EBF4: variants seen among roughly 807,000 people sequenced by gnomAD.
The protein encoded by EBF4 is transcription factor COE4.
Under a neutral mutation model 67.1 loss-of-function variants are expected in EBF4, and 34 were observed. That is an observed-to-expected ratio of 0.51 (90% CI 0.39 to 0.67). The LOEUF (loss-of-function observed/expected upper bound fraction) is 0.67, where lower values mean the gene tolerates loss of function less well. EBF4 is among the 30% of genes least tolerant of loss of function. EBF4 has a pLI of 0.00. For synonymous variants in EBF4, 387 were observed against 377.7 expected, an observed-to-expected ratio of 1.02 and a Z score of -0.29; for missense variants, 837 against 873.3, an observed-to-expected ratio of 0.96 and a Z score of 0.52.
chr20:2,750,160 T>C (rs1201178576), intron 10 of EBF4, among the ~76,000 whole-genome samples, 187 bp downstream of exon 10: 1 of 152,076 alleles, frequency 6.6e-6, no homozygotes, highest in Non-Finnish European at 1.5e-5. Flanking sequence ...CGTCTTTCCC[T>C]GGCTCTGTGT....
intron 1 of EBF4, among the ~76,000 whole-genome samples, chr20:2,703,256 T>TAAA (rs58171984): frequency 1.8e-5 from 2 of 114,138 alleles, no homozygotes; most frequent in Non-Finnish European, 1.8e-5. Flanking sequence ...GACCCTGTCT[T>TAAA]AAAAAAAAAA....
exon 8 of EBF4, chr20:2,749,451 C>T (rs754096294): frequency 3.9e-6 from 6 of 1,548,256 alleles, no homozygotes; most frequent in East Asian, 2.5e-5. Context: ...TGGCCGTGTC[C>T]GACAACATGT....
At chr20:2,730,321 G>A (rs537796615) in intron 6 of EBF4, among the ~76,000 whole-genome samples, 9 of 151,966 alleles carry the variant, frequency 5.9e-5, no homozygotes, top group Non-Finnish European at 1.3e-4. Flanking sequence ...TCCCTGTGGC[G>A]GCATCACTCC....
chr20:2,697,030 A>G (rs2087298982), intron 1 of EBF4, among the ~76,000 whole-genome samples: 1 of 152,184 alleles, frequency 6.6e-6, no homozygotes, highest in African/African-American at 2.4e-5. Context: ...GAGGCTCCCA[A>G]GTCCCCTTAT....
intron 1 of EBF4, among the ~76,000 whole-genome samples, chr20:2,697,707 C>T (rs1326040961): frequency 6.6e-6 from 1 of 152,158 alleles, no homozygotes; most frequent in African/African-American, 2.4e-5. Context: ...CTGCCCCTGC[C>T]CTGAGCCAAC....
intron 14 of EBF4, among the ~76,000 whole-genome samples, chr20:2,753,904 A>G (rs1600246898): frequency 6.6e-6 from 1 of 151,480 alleles, no homozygotes; most frequent in African/African-American, 2.4e-5. Flanking sequence ...GCCAGGATTG[A>G]CTGCTCCTCC....
At chr20:2,758,136 A>C (rs2088273492) in intron 15 of EBF4, among the ~76,000 whole-genome samples, 1 of 152,200 alleles carries the variant, frequency 6.6e-6, no homozygotes, top group Non-Finnish European at 1.5e-5. Flanking sequence ...CAGAGCAATA[A>C]ACTTGTAACC....
chr20:2,693,393 C>A (rs540240234), upstream of EBF4, among the ~76,000 whole-genome samples: 4 of 151,750 alleles, frequency 2.6e-5, no homozygotes, highest in South Asian at 8.3e-4. This position sits in a 1 kb window ranked among gnomAD's most constrained non-coding sequence, Gnocchi z 4.6. Flanking sequence ...GTCCGCCCGC[C>A]AGCGCTCAGG....
At chr20:2,706,475 C>T (rs2087461173) in intron 4 of EBF4, among the ~76,000 whole-genome samples, 2 of 152,168 alleles carry the variant, frequency 1.3e-5, no homozygotes, top group South Asian at 4.1e-4. Context: ...TGTACAAAAA[C>T]CCTGGCTTGG....
At chr20:2,721,246 C>CTTTTTTTTTTTTTTT (rs146844927) in intron 6 of EBF4, among the ~76,000 whole-genome samples, 3 of 108,122 alleles carry the variant, frequency 2.8e-5, no homozygotes, top group Non-Finnish European at 1.9e-5. Context: ...TGATTCTCTT[C>CTTTTTTTTTTTTTTT]TTTTTTTTTT....
intron 6 of EBF4, 118 bp downstream of exon 6, chr20:2,709,760 G>T: frequency 9.1e-7 from 1 of 1,093,416 alleles, no homozygotes; most frequent in Non-Finnish European, 1.2e-6. Flanking sequence ...CGGGGCACCA[G>T]GTTGGGTGGC....
In EBF4 at chr20:2,755,312, AAGT is replaced by A. The variant is rs1369700575; in HGVS notation, c.1541-311_1541-309del. ...CCAGGGGTTTTCAGCAGAAATCCTG[AAGT>A]AGTCCAGCTGTTGCTCATCTCATTT... On this transcript the variant is annotated intron_variant, in intron 14 of 16. Coordinates refer to ENST00000609451, the Ensembl canonical transcript of EBF4. The surrounding 1 kb of genome is among the most constrained non-coding windows in gnomAD (Gnocchi z 4.7). The A allele has an allele frequency of 6.6e-5, 24 of 362,942 alleles. No homozygotes were observed. Among genetic ancestry groups the A allele is most frequent in the Non-Finnish European group, 1.1e-4 (23 of 200,004 alleles). The allele number at this position is 362,942 out of a possible 1,614,324, so 22.5% of individuals were successfully genotyped here.
Position 2,693,755 on chromosome 20 carries a change from T to C in EBF4, c.110T>C (p.Ile37Thr). 7.4e-7 allele frequency: 1 copy of C among 1,344,024 alleles called. No individual in the cohort carries two copies. Among genetic ancestry groups the C allele is most frequent in the Non-Finnish European group, 9.5e-7 (1 of 1,050,404 alleles). The allele number at this position is 1,344,024 out of a possible 1,614,324, so 83.3% of individuals were successfully genotyped here. The change falls in exon 1 of 17, where the codon ATC becomes ACC. Residue 37 changes from isoleucine to threonine, a missense_variant. By Grantham distance (89) the Ile-to-Thr change is moderately conservative. Coordinates refer to ENST00000609451, the Ensembl canonical transcript of EBF4. This position sits in a 1 kb window ranked among gnomAD's most constrained non-coding sequence, Gnocchi z 4.6. Reference sequence around the variant, plus strand: ...CGCTCCTGGATGCAGGGCGCGGGCATCCTGGACGCCAGCACCGCGGCGCAG... The same window carrying C: ...CGCTCCTGGATGCAGGGCGCGGGCACCCTGGACGCCAGCACCGCGGCGCAG...
intron 6 of EBF4, among the ~76,000 whole-genome samples, chr20:2,714,508 A>G (rs1007246762): frequency 6.6e-6 from 1 of 152,054 alleles, no homozygotes; most frequent in Non-Finnish European, 1.5e-5. Context: ...CACGCCAACA[A>G]GCCCAGCTAA....
intron 6 of EBF4, among the ~76,000 whole-genome samples, chr20:2,744,084 A>ATTT (rs11426724): frequency 1.7e-5 from 2 of 115,020 alleles, no homozygotes; most frequent in African/African-American, 3.4e-5. Context: ...TATTTTTTTT[A>ATTT]TTTTTTTTTT....
rs1297303007 is a variant in EBF4, at chr20:2,755,363, T to G, written c.1541-264T>G. 2.1e-6 allele frequency: 1 copy of G among 485,890 alleles called. No homozygotes were observed. Among genetic ancestry groups the G allele is most frequent in the African/African-American group, 2.0e-5 (1 of 50,606 alleles). 30.1% of individuals were successfully genotyped at this position (485,890 alleles called of 1,614,324 possible). ...TTTTTGGGGGGTACCTCCCACTGTT[T>G]GTTTTTTTTGAATGTTCTGGTTTTG... On this transcript the variant is annotated intron_variant, in intron 14 of 16. Coordinates refer to ENST00000609451, the Ensembl canonical transcript of EBF4. This position sits in a 1 kb window ranked among gnomAD's most constrained non-coding sequence, Gnocchi z 4.7.
intron 15 of EBF4, among the ~76,000 whole-genome samples, chr20:2,757,942 C>A (rs2088270466): frequency 6.6e-6 from 1 of 152,154 alleles, no homozygotes; most frequent in African/African-American, 2.4e-5. Context: ...GACAAGAGAG[C>A]AAGACTCTGT....
At chr20:2,695,505 T>C (rs531696425) in intron 1 of EBF4, among the ~76,000 whole-genome samples, 4 of 152,258 alleles carry the variant, frequency 2.6e-5, no homozygotes, top group Admixed American at 2.6e-4. Flanking sequence ...GCTTCCGCAA[T>C]GTGAACAGGG....
Position 2,749,989 on chromosome 20 carries a change from G to C in EBF4, c.1018+16G>C. ...GTCTACACAGGTAAGGAGTCGGGCG[G>C]GGGAGTGGAGGTCTAAGGTGCGCGG... is the stretch of plus-strand genomic sequence containing the variant. On this transcript the variant is annotated intron_variant, in intron 10 of 16. Coordinates refer to ENST00000609451, the Ensembl canonical transcript of EBF4. 2 of 1,543,278 alleles carry C rather than the reference G, an allele frequency of 1.3e-6. No individual in the cohort carries two copies. The highest frequency in any genetic ancestry group is 1.8e-6 in the Non-Finnish European group (2 of 1,142,588).
Sources: allele counts gnomAD v4.1 joint callset (sites outside exome capture counted in the v4.1 genomes callset), GRCh38; gene constraint gnomAD v4.1.1; non-coding constraint Gnocchi (gnomAD v3.1); transcripts MANE v1.5; gene names NCBI Gene and HGNC (gene_info 2026-07-23, HGNC 2026-07-21).